H3C10: variants seen among roughly 807,000 people sequenced by gnomAD.
H3C10 encodes histone H3.1.
H3C10 carries 8 observed loss-of-function variants against 6.8 expected under a neutral mutation model. The observed-to-expected ratio is 1.17, with a 90% CI of 0.69 to 2.12. The LOEUF is 2.12. Among genes scored for constraint, H3C10 ranks in the 30% most tolerant of loss-of-function variants. The pLI, the probability that H3C10 is intolerant of heterozygous loss-of-function variation, is 0.00. For synonymous variants in H3C10, 122 were observed against 81.3 expected (o/e 1.50, Z -2.69); for missense variants, 163 against 195.3 (o/e 0.83, Z 0.98).
rs775617360 is a variant in H3C10 at position 27,810,352 on chromosome 6, GC to G, written c.280del (p.Gln94LysfsTer25). On this transcript the variant is annotated frameshift_variant, in exon 1 of 1. Transcript: ENST00000685041. LOFTEE classifies it high-confidence loss of function. Reference protein sequence around the residue: ...RFQSSAVMALQEACEAYLVGL... With the variant: ...RFQSSAVMALXEACEAYLVGL... ...TCCAGAGCTCCGCGGTGATGGCGCT[GC>G]AAGAGGCATGCGAGGCCTACCTGGT... 1.1e-5 allele frequency: 18 copies of G among 1,614,126 alleles called. No individual in the cohort carries two copies. The highest frequency in any genetic ancestry group is 1.4e-5 in the Non-Finnish European group (16 of 1,180,042).
chr6:27,810,187 G>C lies in H3C10; in HGVS notation c.114G>C (p.Lys38Asn). The change falls in exon 1 of 1, where the codon AAG becomes AAC. Residue 38 changes from lysine to asparagine, a missense_variant. By Grantham distance (94) the Lys-to-Asn change is moderately conservative. Coordinates refer to ENST00000685041, the MANE Select transcript of H3C10 (RefSeq NM_003536.3). ...KSAPATGGVK[K>N]PHRYRPGTVA... ...CTCCGGCCACCGGCGGTGTCAAGAA[G>C]CCCCATCGCTATCGGCCTGGTACAG... The C allele has an allele frequency of 6.2e-7, 1 of 1,614,158 alleles. No individual in the cohort carries two copies. The highest frequency in any genetic ancestry group is 2.2e-5 in the East Asian group (1 of 44,880).
At position 27,810,399 on chromosome 6, in the gene H3C10, A is replaced by C. The variant is rs1433580882; in HGVS notation, c.326A>C (p.Asn109Thr). Residue 109 changes from asparagine (N) to threonine (T), a missense_variant, in exon 1 of 1, where the codon AAC becomes ACC. By Grantham distance (65) the Asn-to-Thr change is moderately conservative (BLOSUM62 0). Transcript: ENST00000685041. ...AYLVGLFEDT[N>T]LCAIHAKRVT... ...CTGGTGGGGCTCTTTGAGGACACCAACCTGTGCGCCATCCACGCCAAGCGG... is the reference window on the plus strand; with the variant it reads ...CTGGTGGGGCTCTTTGAGGACACCACCCTGTGCGCCATCCACGCCAAGCGG... 6.2e-7 allele frequency: 1 copy of C among 1,614,206 alleles called. No individual in the cohort carries two copies. The highest frequency in any genetic ancestry group is 8.5e-7 in the Non-Finnish European group (1 of 1,180,024).
Position 27,810,425 on chromosome 6 carries a change from G to C in H3C10, c.352G>C (p.Val118Leu). ...CCTGTGCGCCATCCACGCCAAGCGG[G>C]TGACTATCATGCCCAAGGACATCCA... Reference protein sequence around the residue: ...TNLCAIHAKRVTIMPKDIQLA... With the variant: ...TNLCAIHAKRLTIMPKDIQLA... Residue 118 changes from valine (V) to leucine (L), a missense_variant, in exon 1 of 1, where the codon GTG becomes CTG. Val to Leu is a conservative substitution (Grantham distance 32, BLOSUM62 1). Coordinates refer to ENST00000685041, the MANE Select transcript of H3C10 (RefSeq NM_003536.3). The C allele has an allele frequency of 6.2e-7, 1 of 1,614,210 alleles. No homozygotes were observed. The highest frequency in any genetic ancestry group is 8.5e-7 in the Non-Finnish European group (1 of 1,180,038).
At position 27,810,520 on chromosome 6, in the gene H3C10, CTT is replaced by C; in HGVS notation, c.*39_*40del. 1.3e-6 allele frequency: 2 copies of C among 1,582,794 alleles called. No homozygotes were observed. Among genetic ancestry groups the C allele is most frequent in the Non-Finnish European group, 1.7e-6 (2 of 1,163,646 alleles). On this transcript the variant is annotated 3_prime_UTR_variant, in exon 1 of 1. Transcript: ENST00000685041. Reference sequence around the variant, plus strand: ...CTCACTGATTACATACCCAAAGGCTCTTTTCAGAGCCACCCACATGCGCGCTG... The same window carrying C: ...CTCACTGATTACATACCCAAAGGCTCTTCAGAGCCACCCACATGCGCGCTG...
In H3C10 at chr6:27,810,063, G is replaced by A. The variant is rs374104523; in HGVS notation, c.-11G>A. ...TTCTCTTTCTCCTGAAGTGAATCTAGCTCTGAAGGCATGGCGCGTACGAAG... is the reference window on the plus strand; with the variant it reads ...TTCTCTTTCTCCTGAAGTGAATCTAACTCTGAAGGCATGGCGCGTACGAAG... On this transcript the variant is annotated 5_prime_UTR_variant, in exon 1 of 1. Transcript: ENST00000685041. The A allele has an allele frequency of 6.2e-6, 10 of 1,613,472 alleles. No individual in the cohort carries two copies. The highest frequency in any genetic ancestry group is 8.5e-6 in the Non-Finnish European group (10 of 1,179,784).
In H3C10 at chr6:27,810,422, C is replaced by T. The variant is rs1581458231; in HGVS notation, c.349C>T (p.Arg117Trp). 1 of 1,614,180 alleles carries T rather than the reference C, an allele frequency of 6.2e-7. No homozygotes were observed. The highest frequency in any genetic ancestry group is 1.7e-5 in the Admixed American group (1 of 60,012). The change falls in exon 1 of 1, where the codon CGG (arginine) becomes TGG (tryptophan). Residue 117 changes from arginine (R) to tryptophan (W), a missense_variant. Physicochemically the swap from Arg to Trp is moderately radical, Grantham distance 101. Transcript: ENST00000685041. ...DTNLCAIHAK[R>W]VTIMPKDIQL... ...CAACCTGTGCGCCATCCACGCCAAG[C>T]GGGTGACTATCATGCCCAAGGACAT...
chr6:27,810,367 G>C lies in H3C10; in HGVS notation c.294G>C (p.Glu98Asp). The C allele has an allele frequency of 6.2e-7, 1 of 1,614,236 alleles. No individual in the cohort carries two copies. The highest frequency in any genetic ancestry group is 8.5e-7 in the Non-Finnish European group (1 of 1,180,042). Residue 98 changes from glutamate to aspartate, a missense_variant, in exon 1 of 1, where the codon GAG becomes GAC. Coordinates refer to ENST00000685041, the MANE Select transcript of H3C10 (RefSeq NM_003536.3). ...TGATGGCGCTGCAAGAGGCATGCGA[G>C]GCCTACCTGGTGGGGCTCTTTGAGG... ...SAVMALQEACEAYLVGLFEDT... is the reference protein window; with the variant it reads ...SAVMALQEACDAYLVGLFEDT...
At position 27,810,374 on chromosome 6, in the gene H3C10, C is replaced by T. The variant is rs779836759; in HGVS notation, c.301C>T (p.Leu101=). The stretch of plus-strand genomic sequence containing the variant: ...GCTGCAAGAGGCATGCGAGGCCTAC[C>T]TGGTGGGGCTCTTTGAGGACACCAA... ...MALQEACEAY[L]VGLFEDTNLC... The change falls in exon 1 of 1, where the codon CTG becomes TTG. Residue 101 remains leucine (L), a synonymous_variant. Coordinates refer to ENST00000685041, the MANE Select transcript of H3C10 (RefSeq NM_003536.3). 1.9e-6 allele frequency: 3 copies of T among 1,614,110 alleles called. No individual in the cohort carries two copies. The highest frequency in any genetic ancestry group is 2.5e-6 in the Non-Finnish European group (3 of 1,180,056).
rs569053667 is a variant in H3C10, at chr6:27,810,066, C to T, written c.-8C>T. 5.6e-6 allele frequency: 9 copies of T among 1,613,774 alleles called. No homozygotes were observed. The South Asian group carries it at 8.8e-5, about 16-fold the overall frequency. On this transcript the variant is annotated 5_prime_UTR_variant, in exon 1 of 1. Coordinates refer to ENST00000685041, the MANE Select transcript of H3C10 (RefSeq NM_003536.3). ...TCTTTCTCCTGAAGTGAATCTAGCT[C>T]TGAAGGCATGGCGCGTACGAAGCAG... is the stretch of plus-strand genomic sequence containing the variant.
At position 27,810,262 on chromosome 6, in the gene H3C10, C is replaced by T. The variant is rs548121472; in HGVS notation, c.189C>T (p.Ile63=). ...ACCAGAAGTCCACCGAGCTGCTGAT[C>T]AGAAAGCTGCCTTTTCAGCGTCTGG... ...RRYQKSTELL[I]RKLPFQRLVR... is the part of the protein sequence containing the mutation. The change falls in exon 1 of 1, where the codon ATC becomes ATT. Residue 63 remains isoleucine (I), a synonymous_variant. Transcript: ENST00000685041. 22 of 1,614,226 alleles carry T rather than the reference C, an allele frequency of 1.4e-5. No individual in the cohort carries two copies. Among genetic ancestry groups the T allele is most frequent in the African/African-American group, 1.2e-4 (9 of 75,058 alleles).
In H3C10 at chr6:27,810,352, G is replaced by GC; in HGVS notation, c.280dup (p.Gln94ProfsTer13). 6.2e-7 allele frequency: 1 copy of GC among 1,614,244 alleles called. No individual in the cohort carries two copies. The highest frequency in any genetic ancestry group is 8.5e-7 in the Non-Finnish European group (1 of 1,180,034). ...TCCAGAGCTCCGCGGTGATGGCGCT[G>GC]CAAGAGGCATGCGAGGCCTACCTGG... is the stretch of plus-strand genomic sequence containing the variant. On this transcript the variant is annotated frameshift_variant, in exon 1 of 1. Transcript: ENST00000685041. LOFTEE classifies it high-confidence loss of function.
At position 27,810,291 on chromosome 6, in the gene H3C10, G is replaced by T. The variant is rs1290595614; in HGVS notation, c.218G>T (p.Arg73Leu). The change falls in exon 1 of 1, where the codon CGT (arginine) becomes CTT (leucine). Residue 73 changes from arginine (R) to leucine (L), a missense_variant. By Grantham distance (102) the Arg-to-Leu change is moderately radical. Transcript: ENST00000685041. Reference protein sequence around the residue: ...IRKLPFQRLVREIAQDFKTDL... With the variant: ...IRKLPFQRLVLEIAQDFKTDL... ...AAGCTGCCTTTTCAGCGTCTGGTGC[G>T]TGAGATCGCGCAGGACTTCAAGACC... The T allele has an allele frequency of 1.2e-6, 2 of 1,614,094 alleles. No homozygotes were observed. The highest frequency in any genetic ancestry group is 1.7e-5 in the Admixed American group (1 of 60,014).
Position 27,810,516 on chromosome 6 carries a change from G to A in H3C10, c.*32G>A, listed in dbSNP as rs1436715761. The A allele has an allele frequency of 6.3e-7, 1 of 1,594,384 alleles. No homozygotes were observed. The highest frequency in any genetic ancestry group is 8.5e-7 in the Non-Finnish European group (1 of 1,170,220). ...AGGACTCACTGATTACATACCCAAA[G>A]GCTCTTTTCAGAGCCACCCACATGC... On this transcript the variant is annotated 3_prime_UTR_variant, in exon 1 of 1. Coordinates refer to ENST00000685041, the MANE Select transcript of H3C10 (RefSeq NM_003536.3).
rs766560705 is a variant in H3C10 at position 27,810,072 on chromosome 6, G to T, written c.-2G>T. Reference sequence around the variant, plus strand: ...TCCTGAAGTGAATCTAGCTCTGAAGGCATGGCGCGTACGAAGCAGACTGCT... The same window carrying T: ...TCCTGAAGTGAATCTAGCTCTGAAGTCATGGCGCGTACGAAGCAGACTGCT... On this transcript the variant is annotated 5_prime_UTR_variant, in exon 1 of 1. Coordinates refer to ENST00000685041, the MANE Select transcript of H3C10 (RefSeq NM_003536.3). The T allele has an allele frequency of 6.2e-6, 10 of 1,613,766 alleles. No homozygotes were observed. The highest frequency in any genetic ancestry group is 5.1e-6 in the Non-Finnish European group (6 of 1,179,902).
rs753084788 is a variant in H3C10 at position 27,810,051 on chromosome 6, G to A, written c.-23G>A. ...AAGCGGCTAGCTTTCTCTTTCTCCT[G>A]AAGTGAATCTAGCTCTGAAGGCATG... On this transcript the variant is annotated 5_prime_UTR_variant, in exon 1 of 1. Coordinates refer to ENST00000685041, the MANE Select transcript of H3C10 (RefSeq NM_003536.3). 16 of 1,611,018 alleles carry A rather than the reference G, an allele frequency of 9.9e-6. No homozygotes were observed. In the East Asian group the frequency reaches 2.2e-4, roughly 22 times the overall value.
chr6:27,810,407 G>A lies in H3C10; in HGVS notation c.334G>A (p.Ala112Thr). The change falls in exon 1 of 1, where the codon GCC becomes ACC. Residue 112 changes from alanine (A) to threonine (T), a missense_variant. Coordinates refer to ENST00000685041, the MANE Select transcript of H3C10 (RefSeq NM_003536.3). ...GCTCTTTGAGGACACCAACCTGTGC[G>A]CCATCCACGCCAAGCGGGTGACTAT... ...VGLFEDTNLC[A>T]IHAKRVTIMP... 6.2e-7 allele frequency: 1 copy of A among 1,614,226 alleles called. No homozygotes were observed. The highest frequency in any genetic ancestry group is 8.5e-7 in the Non-Finnish European group (1 of 1,180,038).
At position 27,810,292 on chromosome 6, in the gene H3C10, T is replaced by A. The variant is rs1330473757; in HGVS notation, c.219T>A (p.Arg73=). ...AGCTGCCTTTTCAGCGTCTGGTGCG[T>A]GAGATCGCGCAGGACTTCAAGACCG... The part of the protein sequence containing the change: ...IRKLPFQRLV[R]EIAQDFKTDL... Residue 73 remains arginine (R), a synonymous_variant, in exon 1 of 1, where the codon CGT becomes CGA. Transcript: ENST00000685041. 1.2e-6 allele frequency: 2 copies of A among 1,612,060 alleles called. No homozygotes were observed. Among genetic ancestry groups the A allele is most frequent in the Non-Finnish European group, 1.7e-6 (2 of 1,178,138 alleles).
Position 27,810,289 on chromosome 6 carries a change from G to A in H3C10, c.216G>A (p.Val72=), listed in dbSNP as rs1354369712. The change falls in exon 1 of 1, where the codon GTG becomes GTA. Residue 72 remains valine (V), a synonymous_variant. Transcript: ENST00000685041. ...LIRKLPFQRL[V]REIAQDFKTD... is the part of the protein sequence containing the mutation. ...GAAAGCTGCCTTTTCAGCGTCTGGT[G>A]CGTGAGATCGCGCAGGACTTCAAGA... The A allele has an allele frequency of 3.1e-6, 5 of 1,614,218 alleles. No individual in the cohort carries two copies. Among genetic ancestry groups the A allele is most frequent in the Non-Finnish European group, 4.2e-6 (5 of 1,180,040 alleles).
rs771555003 is a variant in H3C10, at chr6:27,810,424, G to C, written c.351G>C (p.Arg117=). ...ACCTGTGCGCCATCCACGCCAAGCG[G>C]GTGACTATCATGCCCAAGGACATCC... ...DTNLCAIHAK[R]VTIMPKDIQL... The change falls in exon 1 of 1, where the codon CGG becomes CGC. Residue 117 remains arginine (R), a synonymous_variant. Coordinates refer to ENST00000685041, the MANE Select transcript of H3C10 (RefSeq NM_003536.3). 1.9e-6 allele frequency: 3 copies of C among 1,614,066 alleles called. No individual in the cohort carries two copies. In the South Asian group the frequency reaches 3.3e-5, roughly 18 times the overall value.
Sources: allele counts gnomAD v4.1 joint callset, GRCh38; gene constraint gnomAD v4.1.1; transcripts MANE v1.5; gene names NCBI Gene and HGNC (gene_info 2026-07-23, HGNC 2026-07-21).